The following RIMS2 variants were observed in gnomAD, a reference collection of about 807,000 sequenced individuals.
RIMS2 encodes the protein regulating synaptic membrane exocytosis protein 2.
In RIMS2, 59 loss-of-function variants were observed where a neutral mutation model predicts 174.4. The observed-to-expected ratio is 0.34, with a 90% CI of 0.27 to 0.42. The LOEUF (loss-of-function observed/expected upper bound fraction) is 0.42, where lower values mean the gene tolerates loss of function less well. Among genes scored for constraint, RIMS2 ranks in the 10% least tolerant of loss-of-function variants. The pLI is 1.00. For missense variants in RIMS2, 1,620 were observed against 1,666.3 expected, an observed-to-expected ratio of 0.97 and a Z score of 0.48; for synonymous variants, 606 against 572.5, an observed-to-expected ratio of 1.06 and a Z score of -0.84.
chr8:103,938,220 A>G (rs1295500920), intron 13 of RIMS2, among the ~76,000 whole-genome samples: 3 of 152,196 alleles, frequency 2.0e-5, no homozygotes, highest in African/African-American at 7.2e-5. Flanking sequence ...TGGTTGGTAT[A>G]TTAATTCATT....
At chr8:103,627,828 A>T (rs2095823018) in intron 1 of RIMS2, among the ~76,000 whole-genome samples, 1 of 152,224 alleles carries the variant, frequency 6.6e-6, no homozygotes, top group Non-Finnish European at 1.5e-5. Flanking sequence ...TGTAGAAAAA[A>T]TAATCATTTA....
At chr8:103,646,375 C>CT (rs1455151359) in intron 1 of RIMS2, among the ~76,000 whole-genome samples, 1 of 151,848 alleles carries the variant, frequency 6.6e-6, no homozygotes, top group Admixed American at 6.6e-5. Flanking sequence ...TAACTGTCTC[C>CT]TTTTTTTTCT....
chr8:103,968,731 T>A (rs2092468315), intron 15 of RIMS2, among the ~76,000 whole-genome samples: 1 of 152,174 alleles, frequency 6.6e-6, no homozygotes, highest in African/African-American at 2.4e-5. Context: ...TTAATTCTTA[T>A]CTGTTAGATA....
chr8:103,976,089 C>T (rs954794672), intron 16 of RIMS2: 1 of 152,214 alleles, frequency 6.6e-6, no homozygotes, highest in Non-Finnish European at 1.5e-5. Context: ...TTCCTTCATT[C>T]CATTCAAGTT....
At chr8:103,571,311 A>T (rs1373009721) in intron 1 of RIMS2, among the ~76,000 whole-genome samples, 3 of 152,220 alleles carry the variant, frequency 2.0e-5, no homozygotes, top group African/African-American at 7.2e-5. Flanking sequence ...TAATAGTCTG[A>T]TCAATTTACC....
At chr8:104,011,612 T>C (rs1404319391) in intron 17 of RIMS2, among the ~76,000 whole-genome samples, 1 of 152,036 alleles carries the variant, frequency 6.6e-6, no homozygotes, top group Non-Finnish European at 1.5e-5. Context: ...AGAAGTGAAA[T>C]TGCATATCCT....
At chr8:104,034,805 A>G (rs2096481882) in intron 19 of RIMS2, among the ~76,000 whole-genome samples, 1 of 152,132 alleles carries the variant, frequency 6.6e-6, no homozygotes, top group Non-Finnish European at 1.5e-5. Context: ...TGACATCAGT[A>G]TAGATAAAGA....
chr8:103,502,814 A>G (rs879873560), intron 1 of RIMS2, among the ~76,000 whole-genome samples: 3 of 151,926 alleles, frequency 2.0e-5, no homozygotes, highest in Non-Finnish European at 4.4e-5. Context: ...ATGTGTTTTT[A>G]TTTCTTCATA....
intron 1 of RIMS2, among the ~76,000 whole-genome samples, chr8:103,648,225 T>C (rs896948735): frequency 2.0e-5 from 3 of 152,144 alleles, no homozygotes; most frequent in Admixed American, 6.6e-5. Context: ...TAGTTGTGTG[T>C]TCTTCAGTGA....
At chr8:103,831,509 G>A (rs371845736) in intron 3 of RIMS2, among the ~76,000 whole-genome samples, 2 of 152,074 alleles carry the variant, frequency 1.3e-5, no homozygotes, top group East Asian at 1.9e-4. Flanking sequence ...CACTGACCTC[G>A]GCCAATTGGC....
In RIMS2 at chr8:103,503,219, T is replaced by C. The variant is rs185986330; in HGVS notation, c.176+2157T>C. ...TGGCTTTCATGGTTTCACATTCTTG[T>C]TATATTTATTTTAACAAAAAGTTAT... On this transcript the variant is annotated intron_variant, in intron 1 of 23. Transcript: ENST00000504942. Among the ~76,000 whole-genome samples, 299 of 152,116 alleles carry C rather than the reference T, an allele frequency of 2.0e-3. 2 individuals carry two copies. The highest frequency in any genetic ancestry group is 6.7e-3 in the African/African-American group (277 of 41,590).
chr8:103,782,433 C>CATGT (rs138310117), intron 3 of RIMS2, among the ~76,000 whole-genome samples: 3 of 145,736 alleles, frequency 2.1e-5, no homozygotes, highest in African/African-American at 7.6e-5. Context: ...ACATAAATCC[C>CATGT]GTGTGTGTGT....
At chr8:104,137,293 T>C (rs1238067695) in intron 19 of RIMS2, among the ~76,000 whole-genome samples, 1 of 152,158 alleles carries the variant, frequency 6.6e-6, no homozygotes, top group Non-Finnish European at 1.5e-5. Flanking sequence ...ACATAATAAT[T>C]AGAGTCAACG....
chr8:103,984,061 C>T (rs1465981979), intron 16 of RIMS2, among the ~76,000 whole-genome samples: 1 of 152,080 alleles, frequency 6.6e-6, no homozygotes, highest in East Asian at 1.9e-4. Flanking sequence ...GTAGTCCCAG[C>T]TACTCGGAAG....
chr8:103,925,915 C>T lies in RIMS2; in HGVS notation c.2197-1927C>T, dbSNP rs144866710. 3.1e-3 allele frequency among the ~76,000 whole-genome samples: 463 copies of T among 151,432 alleles called. 2 individuals carry two copies. The highest frequency in any genetic ancestry group is 0.01 in the African/African-American group (430 of 41,416). ...TCAGTTGTATGTTTTGTGAATTTTA[C>T]CTTAATTGAAAAAATATTGTCAACG... On this transcript the variant is annotated intron_variant, in intron 10 of 23. Coordinates refer to ENST00000504942, the Ensembl canonical transcript of RIMS2.
At chr8:103,982,355 A>G (rs1047712291) in intron 16 of RIMS2, among the ~76,000 whole-genome samples, 3 of 152,060 alleles carry the variant, frequency 2.0e-5, no homozygotes, top group Admixed American at 2.0e-4. Flanking sequence ...AAACTATTTC[A>G]AAAAATAAAG....
At chr8:104,093,405 A>G in intron 19 of RIMS2, 66 bp from the exon 24 acceptor site, 1 of 1,122,540 alleles carries the variant, frequency 8.9e-7, no homozygotes, top group Non-Finnish European at 1.2e-6. Context: ...AAATAGGAGA[A>G]AGCTAATAAT....
In RIMS2 at chr8:103,788,862, C is replaced by T. The variant is rs1353223999; in HGVS notation, c.698+22325C>T. Among the ~76,000 whole-genome samples, 9 of 152,140 alleles carry T rather than the reference C, an allele frequency of 5.9e-5. 1 individual carries two copies. The highest frequency in any genetic ancestry group is 2.1e-4 in the South Asian group (1 of 4,828). On this transcript the variant is annotated intron_variant, in intron 3 of 23. Transcript: ENST00000504942. ...AGCCTGGGCAATGGCGGGCGCCCCT[C>T]CCCCAGCCTCGCCGCCGCCTTGCAG...
chr8:103,982,383 A>T (rs902870597), intron 16 of RIMS2, among the ~76,000 whole-genome samples: 1 of 151,990 alleles, frequency 6.6e-6, no homozygotes, highest in Non-Finnish European at 1.5e-5. Context: ...GAATACTTCC[A>T]AACTCGTTCT....
Sources: gnomAD v4.1 joint callset for allele counts (sites outside exome capture counted in the v4.1 genomes callset) on GRCh38, gnomAD v4.1.1 for gene constraint, MANE v1.5 for transcripts, NCBI Gene and HGNC (gene_info 2026-07-23, HGNC 2026-07-21) for gene names.